FAF1: variants seen among roughly 807,000 people sequenced by gnomAD.
FAF1 encodes Fas associated factor 1.
A neutral mutation model predicts 92.5 loss-of-function variants in FAF1; 25 were observed. The ratio of observed to expected loss-of-function variants is 0.27; its 90% CI spans 0.20 to 0.38. FAF1 has a LOEUF of 0.38. Among genes scored for constraint, FAF1 ranks in the 10% least tolerant of loss-of-function variants. The pLI is 1.00. For synonymous variants in FAF1, 234 were observed against 273.2 expected (o/e 0.86, Z 1.42); for missense variants, 636 against 793.3 (o/e 0.80, Z 2.38).
intron 8 of FAF1, among the ~76,000 whole-genome samples, chr1:50,600,975 G>A (rs1652093719): frequency 6.6e-6 from 1 of 152,068 alleles, no homozygotes; most frequent in East Asian, 1.9e-4. Context: ...GCTCTCTGGG[G>A]TCTTTGATGA....
intron 15 of FAF1, among the ~76,000 whole-genome samples, chr1:50,514,462 C>A (rs1418428209): frequency 1.3e-5 from 2 of 152,178 alleles, no homozygotes; most frequent in Non-Finnish European, 2.9e-5. Context: ...CAGGTTACTA[C>A]TTATTATATC....
intron 6 of FAF1, among the ~76,000 whole-genome samples, chr1:50,719,865 G>A (rs1658334779): frequency 6.6e-6 from 1 of 152,164 alleles, no homozygotes; most frequent in Non-Finnish European, 1.5e-5. Flanking sequence ...GCAATAAACT[G>A]TATAAATGGG....
At chr1:50,903,113 A>G (rs1423394173) in intron 1 of FAF1, among the ~76,000 whole-genome samples, 1 of 151,980 alleles carries the variant, frequency 6.6e-6, no homozygotes, top group East Asian at 1.9e-4. Flanking sequence ...AACTGTCTTA[A>G]GTCATCTTTT....
At chr1:50,911,111 C>CA (rs1319586165) in intron 1 of FAF1, among the ~76,000 whole-genome samples, 2 of 151,874 alleles carry the variant, frequency 1.3e-5, no homozygotes, top group African/African-American at 4.8e-5. Flanking sequence ...CTCACTCTGT[C>CA]ACTCATGCTG....
intron 15 of FAF1, among the ~76,000 whole-genome samples, chr1:50,511,629 T>C (rs1171809613): frequency 6.6e-6 from 1 of 152,246 alleles, no homozygotes; most frequent in African/African-American, 2.4e-5. Flanking sequence ...TGCCATATTT[T>C]CTTTATCCAG....
At chr1:50,593,761 T>C (rs1331798658) in intron 9 of FAF1, among the ~76,000 whole-genome samples, 1 of 152,246 alleles carries the variant, frequency 6.6e-6, no homozygotes, top group African/African-American at 2.4e-5. Flanking sequence ...TGGCAAATTA[T>C]AATTTTCACA....
At chr1:50,801,790 T>C (rs1463281440) in intron 2 of FAF1, 113 bp from the exon 3 acceptor site, 5 of 626,110 alleles carry the variant, frequency 8.0e-6, no homozygotes, top group East Asian at 2.8e-5. Flanking sequence ...TTAAACATAA[T>C]ACTAATTTTT....
chr1:50,939,684 T>C (rs918793495), intron 1 of FAF1, among the ~76,000 whole-genome samples: 1 of 152,200 alleles, frequency 6.6e-6, no homozygotes, highest in Admixed American at 6.5e-5. Context: ...TGTTATTACT[T>C]CAAGGTATGT....
intron 15 of FAF1, among the ~76,000 whole-genome samples, chr1:50,520,402 T>C (rs1277444309): frequency 1.3e-5 from 2 of 152,238 alleles, no homozygotes; most frequent in African/African-American, 4.8e-5. Context: ...GTATTTTTTC[T>C]ACACAAATTG....
intron 3 of FAF1, 88 bp from the exon 4 acceptor site, chr1:50,788,293 G>A (rs760614879): frequency 9.1e-7 from 1 of 1,100,714 alleles, no homozygotes; most frequent in African/African-American, 1.6e-5. Flanking sequence ...GGCTTGTGTT[G>A]TTCTTCCTAT....
At chr1:50,854,392 G>T (rs577561329) in intron 2 of FAF1, among the ~76,000 whole-genome samples, 1 of 151,996 alleles carries the variant, frequency 6.6e-6, no homozygotes, top group African/African-American at 2.4e-5. Flanking sequence ...AATCTCAGCT[G>T]TAATGACATT....
chr1:50,624,118 T>G (rs1027033768), intron 8 of FAF1, among the ~76,000 whole-genome samples: 1 of 152,126 alleles, frequency 6.6e-6, no homozygotes, highest in Non-Finnish European at 1.5e-5. Context: ...GGCAGTCAAG[T>G]AGAAATGACT....
At chr1:50,574,606 T>C (rs1650624011) in intron 12 of FAF1, among the ~76,000 whole-genome samples, 1 of 152,200 alleles carries the variant, frequency 6.6e-6, no homozygotes, top group Non-Finnish European at 1.5e-5. Context: ...CCCCCACTTT[T>C]AGGACACTGA....
intron 1 of FAF1, among the ~76,000 whole-genome samples, chr1:50,936,341 T>A (rs1645084773): frequency 2.0e-5 from 3 of 152,128 alleles, no homozygotes; most frequent in South Asian, 2.1e-4. Context: ...TCTATTTTTT[T>A]AAAAAAGAAG....
At chr1:50,558,941 G>T (rs1649728923) in intron 13 of FAF1, among the ~76,000 whole-genome samples, 1 of 152,252 alleles carries the variant, frequency 6.6e-6, no homozygotes, top group South Asian at 2.1e-4. Flanking sequence ...TTATCTCAAA[G>T]AACATTTTTA....
intron 1 of FAF1, among the ~76,000 whole-genome samples, chr1:50,904,878 TC>T (rs1557582909): frequency 6.6e-6 from 1 of 151,450 alleles, no homozygotes; most frequent in African/African-American, 2.4e-5. Flanking sequence ...CCTATTTTTT[TC>T]CTTTTTTTTT....
At chr1:50,888,768 G>C (rs1372792962) in intron 1 of FAF1, among the ~76,000 whole-genome samples, 2 of 152,168 alleles carry the variant, frequency 1.3e-5, no homozygotes, top group African/African-American at 4.8e-5. Context: ...TGGTTTGCCA[G>C]TATTTTATTG....
At position 50,788,158 on chromosome 1, in the gene FAF1, C is replaced by T; in HGVS notation, c.209G>A (p.Ser70Asn). ...GGAAGTAGGAGCTGAAGCTGGATGACTTGCTGGATTAAATGCAGGTCCTGG... is the reference window on the plus strand; with the variant it reads ...GGAAGTAGGAGCTGAAGCTGGATGATTTGCTGGATTAAATGCAGGTCCTGG... ...TIPGPAFNPASHPASAPTSSS... is the reference protein window; with the variant it reads ...TIPGPAFNPANHPASAPTSSS... The change falls in exon 4 of 19, where the codon AGT (serine) becomes AAT (asparagine). Residue 70 changes from serine (S) to asparagine (N), a missense_variant. Ser to Asn is a conservative substitution (Grantham distance 46). Around this residue, in one of 2 missense-constraint regions of FAF1, gnomAD observed 317 missense variants for 342.4 expected, o/e 0.93. Coordinates refer to ENST00000396153, the MANE Select transcript of FAF1 (RefSeq NM_007051.3). 1 of 1,614,148 alleles carries T rather than the reference C, an allele frequency of 6.2e-7. No homozygotes were observed. Among genetic ancestry groups the T allele is most frequent in the Non-Finnish European group, 8.5e-7 (1 of 1,180,028 alleles).
At chr1:50,517,640 T>G (rs1647268397) in intron 15 of FAF1, among the ~76,000 whole-genome samples, 1 of 152,200 alleles carries the variant, frequency 6.6e-6, no homozygotes, top group African/African-American at 2.4e-5. Context: ...TGTACTATAT[T>G]TTGAGAACTC....
Sources: allele counts gnomAD v4.1 joint callset (sites outside exome capture counted in the v4.1 genomes callset), GRCh38; gene constraint gnomAD v4.1.1; regional missense constraint gnomAD v4.1.1; transcripts MANE v1.5; gene names NCBI Gene and HGNC (gene_info 2026-07-23, HGNC 2026-07-21).